Variants in PRKN observed in about 807,000 individuals in gnomAD.
PRKN encodes the protein parkin RBR E3 ubiquitin protein ligase.
In PRKN, 56 loss-of-function variants were observed where a neutral mutation model predicts 59.5. That is an observed-to-expected ratio of 0.94 (90% CI 0.76 to 1.18). PRKN has a LOEUF of 1.18. PRKN is among the 50% of genes most tolerant of loss of function. The probability of loss-of-function intolerance (pLI) is 0.00; values close to 1 mark genes in which losing one functional copy is unlikely to be tolerated. For synonymous variants in PRKN, 250 were observed against 222.1 expected, an observed-to-expected ratio of 1.13 and a Z score of -1.12; for missense variants, 657 against 596.4, an observed-to-expected ratio of 1.10 and a Z score of -1.06.
intron 4 of PRKN, among the ~76,000 whole-genome samples, chr6:162,079,687 C>T (rs1778980719): frequency 6.6e-6 from 1 of 152,030 alleles, no homozygotes; most frequent in African/African-American, 2.4e-5. Flanking sequence ...CACCTCTCTC[C>T]ACCCACCTTA....
intron 1 of PRKN, among the ~76,000 whole-genome samples, chr6:162,550,646 G>C (rs1472179249): frequency 6.6e-6 from 1 of 152,178 alleles, no homozygotes; most frequent in African/African-American, 2.4e-5. Context: ...AGAGGAGTTG[G>C]TTCTAGAGTC....
chr6:161,661,767 AAT>A (rs1273260771), intron 7 of PRKN, among the ~76,000 whole-genome samples: 1 of 152,216 alleles, frequency 6.6e-6, no homozygotes, highest in Non-Finnish European at 1.5e-5. Context: ...TCCCACGTGT[AAT>A]CACAGCACTT....
Position 161,993,013 on chromosome 6 carries a change from T to G in PRKN, c.619-19596A>C, listed in dbSNP as rs1288710792. ...ACCTACATCAAAAAAGTAGAAAGAC[T>G]TCAAATTAACAACCTAACAATGTAC... On this transcript the variant is annotated intron_variant, in intron 5 of 11. Coordinates refer to ENST00000366898, the MANE Select transcript of PRKN (RefSeq NM_004562.3). Among the ~76,000 whole-genome samples, 6 of 151,786 alleles carry G rather than the reference T, an allele frequency of 4.0e-5. No individual in the cohort carries two copies. In the East Asian group the frequency reaches 1.2e-3, roughly 29 times the overall value.
intron 7 of PRKN, among the ~76,000 whole-genome samples, chr6:161,636,120 A>G (rs573413967): frequency 7.2e-5 from 11 of 152,184 alleles, no homozygotes; most frequent in African/African-American, 2.7e-4. Context: ...GGCAGCACAG[A>G]GCTAGAGACA....
chr6:162,274,857 G>C (rs186453146), intron 2 of PRKN: 2 of 151,946 alleles, frequency 1.3e-5, no homozygotes, highest in African/African-American at 4.8e-5. Flanking sequence ...CGAGGCAGGC[G>C]GATCACAAGG....
intron 5 of PRKN, among the ~76,000 whole-genome samples, chr6:162,047,278 T>C (rs1183666383): frequency 6.6e-6 from 1 of 152,188 alleles, no homozygotes; most frequent in East Asian, 1.9e-4. Context: ...ACTCTCTACA[T>C]TTAAGTGTCC....
intron 6 of PRKN, among the ~76,000 whole-genome samples, chr6:161,880,742 C>CT (rs1794904239): frequency 6.6e-6 from 1 of 152,172 alleles, no homozygotes. Flanking sequence ...ACTACCTCCC[C>CT]TTCCCCTGCT....
chr6:162,589,596 C>T (rs972348950), intron 1 of PRKN, among the ~76,000 whole-genome samples: 4 of 151,912 alleles, frequency 2.6e-5, no homozygotes, highest in African/African-American at 7.3e-5. Flanking sequence ...TTATTTGCAA[C>T]GCATTCAAAA....
At chr6:161,426,557 C>G (rs1788366699) in intron 9 of PRKN, among the ~76,000 whole-genome samples, 1 of 151,972 alleles carries the variant, frequency 6.6e-6, no homozygotes, top group South Asian at 2.1e-4. Context: ...GGGACTCAGA[C>G]TGGCTCTCCT....
intron 2 of PRKN, among the ~76,000 whole-genome samples, chr6:162,362,372 A>T (rs992623242): frequency 2.6e-5 from 4 of 152,174 alleles, no homozygotes; most frequent in Non-Finnish European, 4.4e-5. Flanking sequence ...TCTACAACTC[A>T]AAATAGTATA....
At position 161,429,545 on chromosome 6, in the gene PRKN, C is replaced by T. The variant is rs7766833; in HGVS notation, c.1084-42668G>A. ...AGAAGAAGGAAATGGAAGCAAGTTC[C>T]AGAGCTCAGAAAACATTCTGAGATG... On this transcript the variant is annotated intron_variant, in intron 9 of 11. Transcript: ENST00000366898. This position sits in a 1 kb window ranked among gnomAD's most constrained non-coding sequence, Gnocchi z 4.2. Among the ~76,000 whole-genome samples, 516 of 152,206 alleles carry T rather than the reference C, an allele frequency of 3.4e-3. 11 individuals are homozygous for T. The highest frequency in any genetic ancestry group is 0.012 in the African/African-American group (483 of 41,518).
chr6:161,865,784 T>G (rs1369781857), intron 6 of PRKN, among the ~76,000 whole-genome samples: 1 of 152,176 alleles, frequency 6.6e-6, no homozygotes, highest in Non-Finnish European at 1.5e-5. Context: ...TTTTTCCATA[T>G]CAGCGATAAG....
chr6:161,372,196 A>G lies in PRKN; in HGVS notation c.1168-11991T>C, dbSNP rs995600061. ...TTATTTTAAAAGTGCTTTGTGTTCA[A>G]CTATTGTTACAAGTTGACATATGGG... On this transcript the variant is annotated intron_variant, in intron 10 of 11. Transcript: ENST00000366898. This position sits in a 1 kb window ranked among gnomAD's most constrained non-coding sequence, Gnocchi z 4.2. 1.3e-5 allele frequency among the ~76,000 whole-genome samples: 2 copies of G among 152,250 alleles called. No individual in the cohort carries two copies. The highest frequency in any genetic ancestry group is 4.8e-5 in the African/African-American group (2 of 41,462).
In PRKN at chr6:162,401,793, CTT is replaced by C. The variant is rs371595180; in HGVS notation, c.171+41515_171+41516del. On this transcript the variant is annotated intron_variant, in intron 2 of 11. Transcript: ENST00000366898. ...GCACAATTCTTTGTAAATTTATTAA[CTT>C]GAAGTAAATGAACAACTTTATAAGA... 4.2e-3 allele frequency among the ~76,000 whole-genome samples: 638 copies of C among 152,166 alleles called. 8 individuals carry two copies. The highest frequency in any genetic ancestry group is 0.015 in the African/African-American group (607 of 41,516).
At chr6:162,706,170 C>A (rs971182359) in intron 1 of PRKN, among the ~76,000 whole-genome samples, 2 of 149,946 alleles carry the variant, frequency 1.3e-5, no homozygotes, top group African/African-American at 2.4e-5. Flanking sequence ...AGGAAAGCTG[C>A]CATTGTGAGA....
intron 1 of PRKN, among the ~76,000 whole-genome samples, chr6:162,639,522 T>C (rs904959263): frequency 2.6e-5 from 4 of 152,184 alleles, no homozygotes; most frequent in African/African-American, 9.6e-5. Flanking sequence ...CAATAAACTA[T>C]AATTTTTAAA....
intron 6 of PRKN, among the ~76,000 whole-genome samples, chr6:161,801,444 G>A (rs1791073279): frequency 6.6e-6 from 1 of 152,240 alleles, no homozygotes. Context: ...TCACAGCCAT[G>A]GGAGCGGGTG....
intron 2 of PRKN, among the ~76,000 whole-genome samples, chr6:162,304,242 G>A (rs763513012): frequency 2.7e-5 from 4 of 150,538 alleles, no homozygotes; most frequent in African/African-American, 7.4e-5. Context: ...CTCATGACTC[G>A]TCTAAATAGT....
At chr6:162,439,393 T>C (rs7759002) in intron 2 of PRKN, among the ~76,000 whole-genome samples, 57,501 of 149,652 alleles carry the variant, frequency 0.38, 12,228 homozygotes, top group African/African-American at 0.58. Context: ...TGCTTCTTTT[T>C]TCTTCTCTTT....
Sources: gnomAD v4.1 joint callset for allele counts (sites outside exome capture counted in the v4.1 genomes callset) on GRCh38, gnomAD v4.1.1 for gene constraint, Gnocchi (gnomAD v3.1) non-coding constraint, MANE v1.5 for transcripts, NCBI Gene and HGNC (gene_info 2026-07-23, HGNC 2026-07-21) for gene names.